BMF: variants seen among roughly 807,000 people sequenced by gnomAD.
The protein encoded by BMF is Bcl2 modifying factor.
A neutral mutation model predicts 22.0 loss-of-function variants in BMF; 10 were observed. The ratio of observed to expected loss-of-function variants is 0.45; its 90% CI spans 0.28 to 0.77. The LOEUF (loss-of-function observed/expected upper bound fraction) is 0.77. Among genes scored for constraint, BMF ranks in the 30% least tolerant of loss-of-function variants. The pLI is 0.13. For synonymous variants in BMF, 87 were observed against 88.1 expected (o/e 0.99, Z 0.07); for missense variants, 206 against 226.8 (o/e 0.91, Z 0.59).
rs2036220570 is a variant in BMF at position 40,091,059 on chromosome 15, G to A, written c.*728C>T. 6.6e-6 allele frequency: 1 copy of A among 152,668 alleles called. No individual in the cohort carries two copies. Among genetic ancestry groups the A allele is most frequent in the South Asian group, 2.1e-4 (1 of 4,830 alleles). The allele number at this position is 152,668 out of a possible 1,614,324, so 9.5% of individuals were successfully genotyped here. ...CTCTGTACCTCAGGACCAATCCTGG[G>A]GCCTCCAAGTGGGACCAAGTCAGTT... On this transcript the variant is annotated 3_prime_UTR_variant, in exon 5 of 5. Coordinates refer to ENST00000354670, the MANE Select transcript of BMF (RefSeq NM_001003940.2).
At chr15:40,098,742 C>T (rs139865201) in intron 4 of BMF, among the ~76,000 whole-genome samples, 2 of 152,176 alleles carry the variant, frequency 1.3e-5, no homozygotes, top group East Asian at 3.9e-4. Flanking sequence ...TCCCTTAGTC[C>T]CCTCCTCCCA....
intron 4 of BMF, among the ~76,000 whole-genome samples, chr15:40,094,884 G>T (rs1339040505): frequency 3.3e-5 from 5 of 152,222 alleles, no homozygotes; most frequent in African/African-American, 1.2e-4. Flanking sequence ...ACGTGTTGGT[G>T]TTTTCTTCAG....
At chr15:40,107,358 G>A (rs181384711) in intron 2 of BMF, among the ~76,000 whole-genome samples, 2 of 152,346 alleles carry the variant, frequency 1.3e-5, no homozygotes, top group East Asian at 3.9e-4. Context: ...AATTCAGAAT[G>A]CTGCCTTTGC....
chr15:40,095,733 A>G (rs2036345088), intron 4 of BMF, among the ~76,000 whole-genome samples: 1 of 152,124 alleles, frequency 6.6e-6, no homozygotes, highest in South Asian at 2.1e-4. Flanking sequence ...GAATGGAGGG[A>G]ATGAATAGAG....
chr15:40,103,464 G>A lies in BMF; in HGVS notation c.453+716C>T, dbSNP rs139160716. On this transcript the variant is annotated intron_variant, in intron 4 of 4. Coordinates refer to ENST00000354670, the MANE Select transcript of BMF (RefSeq NM_001003940.2). Reference sequence around the variant, plus strand: ...CAGCCTCCAGGCCATGGCACAGAGGGCTCCTCCAGCACGAGCCTGCCAGCC... The same window carrying A: ...CAGCCTCCAGGCCATGGCACAGAGGACTCCTCCAGCACGAGCCTGCCAGCC... 4.2e-3 allele frequency among the ~76,000 whole-genome samples: 645 copies of A among 152,344 alleles called. 1 individual carries two copies. The highest frequency in any genetic ancestry group is 0.01 in the Middle Eastern group (3 of 294).
chr15:40,106,029 C>T lies in BMF; in HGVS notation c.58G>A (p.Gly20Arg). ...LEDDVFQPED[G>R]EPVTQPGSLL... Reference sequence around the variant, plus strand: ...CTCCCGGGTTGGGTCACCGGCTCCCCATCCTCTGGTTGGAACACATCATCC... The same window carrying T: ...CTCCCGGGTTGGGTCACCGGCTCCCTATCCTCTGGTTGGAACACATCATCC... Residue 20 changes from glycine to arginine, a missense_variant, in exon 3 of 5, where the codon GGG (glycine) becomes AGG (arginine). Transcript: ENST00000354670. This position sits in a 1 kb window ranked among gnomAD's most constrained non-coding sequence, Gnocchi z 4.1. The T allele has an allele frequency of 6.2e-7, 1 of 1,613,674 alleles. No individual in the cohort carries two copies.
At position 40,091,773 on chromosome 15, in the gene BMF, A is replaced by C; in HGVS notation, c.*14T>G. On this transcript the variant is annotated 3_prime_UTR_variant, in exon 5 of 5. Coordinates refer to ENST00000354670, the MANE Select transcript of BMF (RefSeq NM_001003940.2). ...GGTGTTCCTGGTGCCCCATGTGAAG[A>C]GGGCAGCCCACCCTCACCTAGGGCC... 6.3e-7 allele frequency: 1 copy of C among 1,586,738 alleles called. No homozygotes were observed. Among genetic ancestry groups the C allele is most frequent in the Non-Finnish European group, 8.6e-7 (1 of 1,162,514 alleles).
chr15:40,095,220 G>A (rs1341186989), intron 4 of BMF, among the ~76,000 whole-genome samples: 1 of 151,954 alleles, frequency 6.6e-6, no homozygotes, highest in African/African-American at 2.4e-5. Flanking sequence ...TTTTCCATGA[G>A]GAAACCAAGA....
chr15:40,104,128 G>T, intron 4 of BMF, 52 bp downstream of exon 4: 1 of 1,603,372 alleles, frequency 6.2e-7, no homozygotes, highest in South Asian at 1.1e-5. Context: ...GCAGGCCCTG[G>T]CCCCCAAGCC....
intron 4 of BMF, among the ~76,000 whole-genome samples, chr15:40,092,449 AGACT>A (rs1269922757): frequency 1.4e-5 from 2 of 144,426 alleles, no homozygotes; most frequent in African/African-American, 5.2e-5. Context: ...GCACACACAC[AGACT>A]CACACACACA....
Position 40,105,958 on chromosome 15 carries a change from G to T in BMF, c.129C>A (p.Pro43=). 1 of 1,614,116 alleles carries T rather than the reference G, an allele frequency of 6.2e-7. No homozygotes were observed. Among genetic ancestry groups the T allele is most frequent in the South Asian group, 1.1e-5 (1 of 91,086 alleles). The change falls in exon 3 of 5, where the codon CCC becomes CCA. Residue 43 remains proline, a synonymous_variant. Transcript: ENST00000354670. ...GAGGGAAGAGCTGAAGTCGGCTGAG[G>T]GGGCAGTCCAGTAGGCTCTGGGCAA... ...DLFAQSLLDC[P]LSRLQLFPLT... is the part of the protein sequence containing the mutation.
At chr15:40,092,064 G>A (rs571777167) in intron 4 of BMF, among the ~76,000 whole-genome samples, 176 bp from the exon 5 acceptor site, 1 of 152,308 alleles carries the variant, frequency 6.6e-6, no homozygotes, top group East Asian at 1.9e-4. Flanking sequence ...CCATGTGGAG[G>A]AGAGAGTTGA....
intron 4 of BMF, among the ~76,000 whole-genome samples, chr15:40,096,102 T>A (rs1393376599): frequency 6.6e-6 from 1 of 151,126 alleles, no homozygotes; most frequent in Non-Finnish European, 1.5e-5. Flanking sequence ...GTACTTTATG[T>A]GATAGTATCA....
chr15:40,093,357 C>T (rs2036286128), intron 4 of BMF, among the ~76,000 whole-genome samples: 1 of 152,240 alleles, frequency 6.6e-6, no homozygotes, highest in Non-Finnish European at 1.5e-5. Flanking sequence ...GGAGGCGCAG[C>T]TCCTGCCCGG....
Position 40,089,693 on chromosome 15 carries a change from G to C in BMF, c.*2094C>G, listed in dbSNP as rs576625260. On this transcript the variant is annotated 3_prime_UTR_variant, in exon 5 of 5. Transcript: ENST00000354670. ...CTGCCAAAAGGGGTGAATAGTGGCT[G>C]CTGTAAATAATCCCGGTTTTTTGGT... is the stretch of plus-strand genomic sequence containing the variant. 6.6e-6 allele frequency: 1 copy of C among 152,384 alleles called. No homozygotes were observed. Among genetic ancestry groups the C allele is most frequent in the South Asian group, 2.1e-4 (1 of 4,830 alleles). 9.4% of individuals were successfully genotyped at this position (152,384 alleles called of 1,614,324 possible). A position where few individuals can be genotyped will look rare whatever the true frequency, so the allele number is the denominator to read the frequency against.
chr15:40,104,643 T>G (rs1332194305), intron 3 of BMF, among the ~76,000 whole-genome samples: 7 of 152,220 alleles, frequency 4.6e-5, no homozygotes, highest in Non-Finnish European at 5.9e-5. Context: ...CCGTCCTTAT[T>G]TATCAAGCTA....
intron 4 of BMF, among the ~76,000 whole-genome samples, chr15:40,092,436 C>CACGCACACACACAG (rs2036257102): frequency 6.7e-6 from 1 of 149,080 alleles, no homozygotes; most frequent in Non-Finnish European, 1.5e-5. Flanking sequence ...CCAGTGCAAA[C>CACGCACACACACAG]ACGCACACAC....
intron 3 of BMF, among the ~76,000 whole-genome samples, chr15:40,105,076 G>A (rs2141053347): frequency 6.6e-6 from 1 of 152,276 alleles, no homozygotes; most frequent in Non-Finnish European, 1.5e-5. Flanking sequence ...GCCCTAAGGG[G>A]CAGTTCCCTC....
intron 4 of BMF, among the ~76,000 whole-genome samples, chr15:40,097,231 G>A (rs770471): frequency 5.1e-5 from 1 of 19,548 alleles, no homozygotes; most frequent in East Asian, 1.6e-3. Context: ...GAGCTACCAA[G>A]CACCTAACTG....
Sources: gnomAD v4.1 joint callset for allele counts (sites outside exome capture counted in the v4.1 genomes callset) on GRCh38, gnomAD v4.1.1 for gene constraint, Gnocchi (gnomAD v3.1) non-coding constraint, MANE v1.5 for transcripts, NCBI Gene and HGNC (gene_info 2026-07-23, HGNC 2026-07-21) for gene names.